Variants in WWC1 observed in about 807,000 individuals in gnomAD.
WWC1 encodes WW and C2 domain containing 1.
WWC1 carries 55 observed loss-of-function variants against 138.4 expected under a neutral mutation model. The observed-to-expected ratio is 0.40, with a 90% confidence interval of 0.32 to 0.50. WWC1 has a LOEUF of 0.50. Among genes scored for constraint, WWC1 ranks in the 20% least tolerant of loss-of-function variants. WWC1 has a pLI of 0.72. For missense variants in WWC1, 1,226 were observed against 1,420.4 expected (o/e 0.86, Z 2.20); for synonymous variants, 524 against 564.9 (o/e 0.93, Z 1.03).
At chr5:168,445,641 G>C (rs1445883824) in intron 17 of WWC1, among the ~76,000 whole-genome samples, 1 of 145,980 alleles carries the variant, frequency 6.9e-6, no homozygotes, top group African/African-American at 2.6e-5. Context: ...GGCAGAGGTT[G>C]CAGTGAACCG....
chr5:168,371,558 C>G (rs1257563898), intron 2 of WWC1, 25 bp downstream of exon 2: 1 of 1,566,802 alleles, frequency 6.4e-7, no homozygotes, highest in Non-Finnish European at 8.8e-7. Flanking sequence ...GTCCTCCCTT[C>G]CCTGTGCCCT....
chr5:168,434,339 G>C (rs1782179899), intron 15 of WWC1, among the ~76,000 whole-genome samples: 1 of 144,550 alleles, frequency 6.9e-6, no homozygotes, highest in South Asian at 2.3e-4. Flanking sequence ...CTGGTGGCTG[G>C]AGGAGGAGAG....
At position 168,462,010 on chromosome 5, in the gene WWC1, C is replaced by T. The variant is rs199707174; in HGVS notation, c.2916+1268C>T. ...GGCGGAGGTTGCAGTGAGCCGAGAT[C>T]GCGCCGTTGCACTCCAGCTGGGCAA... On this transcript the variant is annotated intron_variant, in intron 20 of 22. Transcript: ENST00000265293. Among the ~76,000 whole-genome samples the T allele has an allele frequency of 3.8e-4, 57 of 151,372 alleles. No individual in the cohort carries two copies. In the East Asian group the frequency reaches 9.2e-3, roughly 24 times the overall value.
chr5:168,371,591 C>A, intron 2 of WWC1, 58 bp downstream of exon 2: 3 of 1,284,288 alleles, frequency 2.3e-6, no homozygotes, highest in South Asian at 1.3e-5. Flanking sequence ...ACCTCCAAGC[C>A]CATCCTCCCT....
intron 15 of WWC1, among the ~76,000 whole-genome samples, chr5:168,439,049 A>G (rs1052584451): frequency 2.6e-5 from 4 of 152,252 alleles, no homozygotes; most frequent in Non-Finnish European, 4.4e-5. Context: ...TCTTGTGCAC[A>G]TATGATCATG....
intron 9 of WWC1, among the ~76,000 whole-genome samples, chr5:168,418,751 A>G (rs1780856557): frequency 6.6e-6 from 1 of 152,058 alleles, no homozygotes. Context: ...CAAGGTAAAA[A>G]TGGTGAGCGC....
At chr5:168,403,859 A>G (rs1779570901) in intron 5 of WWC1, among the ~76,000 whole-genome samples, 4 of 135,272 alleles carry the variant, frequency 3.0e-5, no homozygotes. Context: ...TGGAAATCCT[A>G]AAACACATGC....
Position 168,302,429 on chromosome 5 carries a change from C to T in WWC1, c.119+10158C>T, listed in dbSNP as rs557855977. Among the ~76,000 whole-genome samples the T allele has an allele frequency of 3.3e-5, 5 of 152,068 alleles. No individual in the cohort carries two copies. The South Asian group carries it at 6.2e-4, about 19-fold the overall frequency. ...CTGGGAAATAGTTAAATAGATAAAT[C>T]GCATTATGACTGGGGGTTTGATGTT... On this transcript the variant is annotated intron_variant, in intron 1 of 22. Coordinates refer to ENST00000265293, the MANE Select transcript of WWC1 (RefSeq NM_015238.3).
At chr5:168,345,767 T>C (rs1281943310) in intron 1 of WWC1, among the ~76,000 whole-genome samples, 1 of 152,218 alleles carries the variant, frequency 6.6e-6, no homozygotes, top group African/African-American at 2.4e-5. Flanking sequence ...ACTCAGCTCA[T>C]AGTTTTTATA....
At chr5:168,435,740 C>T (rs1207670315) in intron 15 of WWC1, among the ~76,000 whole-genome samples, 4 of 152,186 alleles carry the variant, frequency 2.6e-5, no homozygotes, top group Admixed American at 2.0e-4. Context: ...ATTTCCACTT[C>T]CAACTACTAC....
intron 11 of WWC1, among the ~76,000 whole-genome samples, chr5:168,425,020 T>C (rs528404963): frequency 1.2e-3 from 184 of 152,188 alleles, no homozygotes; most frequent in Non-Finnish European, 2.0e-3. Flanking sequence ...ATTGGGGATA[T>C]ATTATGAGTT....
At chr5:168,369,035 T>C (rs1776535959) in intron 1 of WWC1, among the ~76,000 whole-genome samples, 1 of 152,194 alleles carries the variant, frequency 6.6e-6, no homozygotes, top group South Asian at 2.1e-4. Context: ...GCAATGAAGG[T>C]GTCAGCTTTC....
intron 9 of WWC1, chr5:168,415,789 G>A (rs911114627): frequency 5.4e-5 from 1 of 18,454 alleles, no homozygotes; most frequent in Non-Finnish European, 1.8e-4. Flanking sequence ...ATTTTCAAGT[G>A]TGTGTGTGTG....
intron 17 of WWC1, among the ~76,000 whole-genome samples, chr5:168,450,494 C>G (rs1755697722): frequency 6.6e-6 from 1 of 151,884 alleles, no homozygotes; most frequent in Non-Finnish European, 1.5e-5. Flanking sequence ...GGTGAAACAC[C>G]ATCTCTATTA....
intron 1 of WWC1, among the ~76,000 whole-genome samples, chr5:168,365,982 G>T (rs1776262801): frequency 6.6e-6 from 1 of 152,202 alleles, no homozygotes; most frequent in Non-Finnish European, 1.5e-5. Context: ...TTCACCCGAG[G>T]GTGGGGGCTG....
intron 1 of WWC1, among the ~76,000 whole-genome samples, chr5:168,310,092 A>G (rs1770930273): frequency 6.6e-6 from 1 of 152,048 alleles, no homozygotes; most frequent in Non-Finnish European, 1.5e-5. Context: ...AGCTGGTCTC[A>G]CCCTTATCTT....
intron 15 of WWC1, among the ~76,000 whole-genome samples, chr5:168,441,092 A>G (rs1419614548): frequency 2.6e-5 from 4 of 152,238 alleles, no homozygotes; most frequent in Non-Finnish European, 5.9e-5. Context: ...GCAACAAAAA[A>G]GGAATACAAT....
At chr5:168,447,899 G>A (rs1725224369) in intron 17 of WWC1, among the ~76,000 whole-genome samples, 1 of 151,128 alleles carries the variant, frequency 6.6e-6, no homozygotes, top group South Asian at 2.1e-4. Context: ...TTGGCACACT[G>A]CTGTGCCACA....
At chr5:168,410,973 C>T (rs1334265722) in intron 8 of WWC1, among the ~76,000 whole-genome samples, 2 of 127,790 alleles carry the variant, frequency 1.6e-5, no homozygotes, top group East Asian at 4.8e-4. Context: ...CTCGCTCTGT[C>T]ACCCAGGATG....
Sources: gnomAD v4.1 joint callset for allele counts (sites outside exome capture counted in the v4.1 genomes callset) on GRCh38, gnomAD v4.1.1 for gene constraint, MANE v1.5 for transcripts, NCBI Gene and HGNC (gene_info 2026-07-23, HGNC 2026-07-21) for gene names.